PTPRD: variants seen among roughly 807,000 people sequenced by gnomAD.
PTPRD encodes the protein protein tyrosine phosphatase receptor type D, also known as receptor-type tyrosine-protein phosphatase delta.
A neutral mutation model predicts 214.5 loss-of-function variants in PTPRD; 34 were observed. The ratio of observed to expected loss-of-function variants is 0.16; its 90% confidence interval spans 0.12 to 0.21. PTPRD has a LOEUF of 0.21. Ranked by LOEUF, PTPRD falls within the 10% of genes least tolerant of loss-of-function variation. The pLI, the probability that PTPRD is intolerant of heterozygous loss-of-function variation, is 1.00. For synonymous variants in PTPRD, 1,128 were observed against 845.7 expected, an observed-to-expected ratio of 1.33 and a Z score of -5.79; for missense variants, 2,545 against 2,398.7, an observed-to-expected ratio of 1.06 and a Z score of -1.27.
chr9:9,793,042 TG>T (rs1364878830), intron 5 of PTPRD, among the ~76,000 whole-genome samples: 1 of 152,138 alleles, frequency 6.6e-6, no homozygotes, highest in Non-Finnish European at 1.5e-5. Context: ...AAAATGACCT[TG>T]TAACTTCTGG....
At chr9:8,490,514 T>C (rs530644266) in intron 27 of PTPRD, among the ~76,000 whole-genome samples, 6 of 152,318 alleles carry the variant, frequency 3.9e-5, no homozygotes, top group African/African-American at 1.2e-4. Flanking sequence ...TTGATTATCC[T>C]TAAACATAGC....
intron 10 of PTPRD, among the ~76,000 whole-genome samples, chr9:9,175,622 CAAAAAAAAAAAA>C (rs55707715): frequency 2.2e-5 from 1 of 45,274 alleles, no homozygotes; most frequent in Non-Finnish European, 4.2e-5. Flanking sequence ...GACTCTGTCT[CAAAAAAAAAAAA>C]AAAAAAAAAA....
At position 8,686,550 on chromosome 9, in the gene PTPRD, G is replaced by A. The variant is rs374871580; in HGVS notation, c.64+47230C>T. On this transcript the variant is annotated intron_variant, in intron 12 of 45. Coordinates refer to ENST00000381196, the MANE Select transcript of PTPRD (RefSeq NM_002839.4). ...ATTGTCACAACAATTTCATAAAGTAGGTAATAGCTCCATTTTAGAAATAAG... is the reference window on the plus strand; with the variant it reads ...ATTGTCACAACAATTTCATAAAGTAAGTAATAGCTCCATTTTAGAAATAAG... Among the ~76,000 whole-genome samples, 31 of 152,176 alleles carry A rather than the reference G, an allele frequency of 2.0e-4. 1 individual carries two copies. The South Asian group carries it at 6.4e-3, about 32-fold the overall frequency.
chr9:9,249,945 G>A (rs1444792176), intron 9 of PTPRD, among the ~76,000 whole-genome samples: 1 of 152,006 alleles, frequency 6.6e-6, no homozygotes, highest in Non-Finnish European at 1.5e-5. Flanking sequence ...CAAACAGGAG[G>A]AAATTGGGAG....
intron 5 of PTPRD, among the ~76,000 whole-genome samples, chr9:9,768,971 T>TCTGATAGGCACATACACC (rs2154480523): frequency 6.6e-6 from 1 of 152,302 alleles, no homozygotes; most frequent in East Asian, 1.9e-4. Flanking sequence ...TTCTGATTTT[T>TCTGATAGGCACATACACC]CTGATAGGCA....
At chr9:8,969,332 G>C (rs1277139616) in intron 11 of PTPRD, among the ~76,000 whole-genome samples, 1 of 151,994 alleles carries the variant, frequency 6.6e-6, no homozygotes, top group East Asian at 1.9e-4. Flanking sequence ...GGCAAATTCA[G>C]AACATGCACA....
At chr9:9,530,894 G>A (rs1021448450) in intron 8 of PTPRD, among the ~76,000 whole-genome samples, 1 of 152,070 alleles carries the variant, frequency 6.6e-6, no homozygotes, top group African/African-American at 2.4e-5. Context: ...GAATATGGGT[G>A]GGAGGTGGAT....
intron 11 of PTPRD, among the ~76,000 whole-genome samples, chr9:8,950,426 C>T (rs557074440): frequency 6.6e-6 from 1 of 151,280 alleles, no homozygotes; most frequent in African/African-American, 2.4e-5. Context: ...GAGAAGAAAG[C>T]TGTGGGGCAA....
At chr9:9,032,775 G>C (rs1434509052) in intron 10 of PTPRD, among the ~76,000 whole-genome samples, 2 of 152,130 alleles carry the variant, frequency 1.3e-5, no homozygotes, top group East Asian at 3.9e-4. Flanking sequence ...ATCTTTCCAA[G>C]TTCAAGTTCC....
chr9:8,644,733 G>A (rs559394799), intron 12 of PTPRD, among the ~76,000 whole-genome samples: 25 of 152,312 alleles, frequency 1.6e-4, no homozygotes, highest in Non-Finnish European at 2.6e-4. Flanking sequence ...ACTAGCACCC[G>A]GAACCGCCCA....
intron 5 of PTPRD, among the ~76,000 whole-genome samples, chr9:9,826,938 A>C (rs1565561475): frequency 6.6e-6 from 1 of 152,110 alleles, no homozygotes; most frequent in Admixed American, 6.6e-5. Context: ...TAGGAATCCA[A>C]CTTACAAGGG....
chr9:8,562,350 G>C (rs1387874677), intron 14 of PTPRD, among the ~76,000 whole-genome samples: 2 of 151,968 alleles, frequency 1.3e-5, no homozygotes, highest in African/African-American at 4.8e-5. Flanking sequence ...ACCTTTCTAA[G>C]ATTAAAAAAT....
Position 9,864,031 on chromosome 9 carries a change from G to A in PTPRD, c.-368+74476C>T, listed in dbSNP as rs539525321. 5.5e-4 allele frequency among the ~76,000 whole-genome samples: 84 copies of A among 152,282 alleles called. No individual in the cohort carries two copies. The East Asian group carries it at 5.6e-3, about 10-fold the overall frequency. On this transcript the variant is annotated intron_variant, in intron 5 of 45. Coordinates refer to ENST00000381196, the MANE Select transcript of PTPRD (RefSeq NM_002839.4). ...GTAAGTTTGAAAGGTTTGGCCGGGC[G>A]CGGTGGCTCATGCCTATAATCCCAG...
chr9:9,874,834 A>G (rs2153722912), intron 5 of PTPRD, among the ~76,000 whole-genome samples: 1 of 152,306 alleles, frequency 6.6e-6, no homozygotes, highest in South Asian at 2.1e-4. Flanking sequence ...TTTTGTGTCC[A>G]GGGAATTTGA....
chr9:8,618,596 C>T (rs116107676), intron 14 of PTPRD, among the ~76,000 whole-genome samples: 218 of 152,182 alleles, frequency 1.4e-3, no homozygotes, highest in African/African-American at 5.0e-3. Flanking sequence ...AGTCATAAAA[C>T]ACCAAGACAA....
chr9:9,777,116 T>C (rs1183639978), intron 5 of PTPRD, among the ~76,000 whole-genome samples: 1 of 152,212 alleles, frequency 6.6e-6, no homozygotes, highest in Non-Finnish European at 1.5e-5. Context: ...TAACATGTAA[T>C]ATAGTAAGAA....
intron 12 of PTPRD, among the ~76,000 whole-genome samples, chr9:8,727,416 G>A (rs1216517611): frequency 6.6e-6 from 1 of 152,160 alleles, no homozygotes; most frequent in African/African-American, 2.4e-5. Context: ...TCAGACAGCT[G>A]GATGCTGCTA....
chr9:8,363,720 G>C (rs929481108), intron 39 of PTPRD, among the ~76,000 whole-genome samples: 2 of 152,186 alleles, frequency 1.3e-5, no homozygotes, highest in African/African-American at 4.8e-5. Flanking sequence ...TCAAAAGTTT[G>C]ATGGGATAAC....
chr9:9,117,002 G>C (rs2099813001), intron 10 of PTPRD, among the ~76,000 whole-genome samples: 1 of 152,038 alleles, frequency 6.6e-6, no homozygotes, highest in Non-Finnish European at 1.5e-5. Context: ...GTCACAGTTG[G>C]GGAGAAGAGC....
Sources: allele counts gnomAD v4.1 joint callset (sites outside exome capture counted in the v4.1 genomes callset), GRCh38; gene constraint gnomAD v4.1.1; transcripts MANE v1.5; gene names NCBI Gene and HGNC (gene_info 2026-07-23, HGNC 2026-07-21).